LDB2: variants seen among roughly 807,000 people sequenced by gnomAD.
LDB2 encodes the protein LIM domain binding 2.
Under a neutral mutation model 44.3 loss-of-function variants are expected in LDB2, and 12 were observed. The observed-to-expected ratio is 0.27, with a 90% CI of 0.17 to 0.44. The LOEUF (loss-of-function observed/expected upper bound fraction) is 0.44, where lower values mean the gene tolerates loss of function less well. Ranked by LOEUF, LDB2 falls within the 20% of genes least tolerant of loss-of-function variation. The pLI, the probability that LDB2 is intolerant of heterozygous loss-of-function variation, is 1.00. For synonymous variants in LDB2, 164 were observed against 174.8 expected (o/e 0.94, Z 0.49); for missense variants, 344 against 473.5 (o/e 0.73, Z 2.54).
At chr4:16,682,192 T>C (rs760571423) in intron 2 of LDB2, among the ~76,000 whole-genome samples, 3 of 152,194 alleles carry the variant, frequency 2.0e-5, no homozygotes, top group Non-Finnish European at 2.9e-5. Flanking sequence ...TGTAATAATT[T>C]TAATCTGTCA....
intron 2 of LDB2, among the ~76,000 whole-genome samples, chr4:16,634,872 C>A (rs1210970103): frequency 6.6e-6 from 1 of 152,104 alleles, no homozygotes; most frequent in Non-Finnish European, 1.5e-5. Flanking sequence ...TTCACAATAG[C>A]AAAGACTTGG....
Position 16,830,200 on chromosome 4 carries a change from A to G in LDB2, c.132+68154T>C, listed in dbSNP as rs542022396. Among the ~76,000 whole-genome samples, 3 of 152,242 alleles carry G rather than the reference A, an allele frequency of 2.0e-5. No individual in the cohort carries two copies. In the South Asian group the frequency reaches 6.2e-4, roughly 32 times the overall value. Reference sequence around the variant, plus strand: ...TCTCCCCATCCAAACCTCATCTCCAATTGTAATCCCCAGGTGTTGAGGGAG... The same window carrying G: ...TCTCCCCATCCAAACCTCATCTCCAGTTGTAATCCCCAGGTGTTGAGGGAG... On this transcript the variant is annotated intron_variant, in intron 1 of 7. Coordinates refer to ENST00000304523, the MANE Select transcript of LDB2 (RefSeq NM_001290.5).
At chr4:16,521,166 T>C (rs1725931899) in intron 5 of LDB2, among the ~76,000 whole-genome samples, 1 of 152,150 alleles carries the variant, frequency 6.6e-6, no homozygotes, top group Non-Finnish European at 1.5e-5. Flanking sequence ...TACCACAGAC[T>C]GGGTGGCTTA....
intron 2 of LDB2, among the ~76,000 whole-genome samples, chr4:16,600,236 G>T (rs1285366471): frequency 6.6e-6 from 1 of 152,026 alleles, no homozygotes; most frequent in East Asian, 1.9e-4. Context: ...ATATGTCAAA[G>T]TTACACTTTA....
At chr4:16,626,111 G>A (rs1408418956) in intron 2 of LDB2, among the ~76,000 whole-genome samples, 1 of 152,198 alleles carries the variant, frequency 6.6e-6, no homozygotes, top group Non-Finnish European at 1.5e-5. Flanking sequence ...AACCCTATGA[G>A]GTTGGCAGTC....
intron 7 of LDB2, among the ~76,000 whole-genome samples, chr4:16,503,336 A>G (rs1391968143): frequency 2.0e-5 from 3 of 152,126 alleles, no homozygotes; most frequent in East Asian, 3.9e-4. Flanking sequence ...CAATTCTGCA[A>G]TATTCACACA....
chr4:16,690,483 G>A (rs55984313), intron 2 of LDB2, among the ~76,000 whole-genome samples: 2,785 of 9,934 alleles, frequency 0.28, 184 homozygotes, highest in Non-Finnish European at 0.34. Context: ...GGAAGGAAGG[G>A]AGGGAGGGAG....
At chr4:16,626,836 C>T (rs1218852046) in intron 2 of LDB2, 7 of 152,182 alleles carry the variant, frequency 4.6e-5, no homozygotes, top group Middle Eastern at 3.4e-3. Flanking sequence ...ATATGAGCCT[C>T]GGCAGCAAGC....
chr4:16,553,567 T>A (rs927605835), intron 5 of LDB2, among the ~76,000 whole-genome samples: 1 of 152,128 alleles, frequency 6.6e-6, no homozygotes, highest in Non-Finnish European at 1.5e-5. Context: ...TTGTTTTCTG[T>A]TTTTGTACCT....
intron 6 of LDB2, 89 bp from the exon 7 acceptor site, chr4:16,508,775 G>A: frequency 7.8e-7 from 1 of 1,289,494 alleles, no homozygotes; most frequent in East Asian, 2.5e-5. Context: ...AAGCTGTCTT[G>A]GTAAACTGAA....
intron 2 of LDB2, among the ~76,000 whole-genome samples, chr4:16,684,925 T>C (rs1361291000): frequency 6.6e-6 from 1 of 152,168 alleles, no homozygotes; most frequent in Non-Finnish European, 1.5e-5. Flanking sequence ...GAAATGTAAA[T>C]AAATGGGCAT....
chr4:16,880,817 T>C (rs1023701854), intron 1 of LDB2, among the ~76,000 whole-genome samples: 3 of 147,720 alleles, frequency 2.0e-5, no homozygotes, highest in Non-Finnish European at 4.4e-5. Flanking sequence ...GGCAGGAGAA[T>C]AGTGTGAACC....
chr4:16,607,250 C>A (rs556474620), intron 2 of LDB2, among the ~76,000 whole-genome samples: 8 of 152,324 alleles, frequency 5.3e-5, no homozygotes, highest in African/African-American at 1.9e-4. Context: ...TGCTGCCATG[C>A]ACTTGCATTC....
intron 7 of LDB2, among the ~76,000 whole-genome samples, chr4:16,505,373 GTGTA>G (rs1718968506): frequency 6.6e-6 from 1 of 152,104 alleles, no homozygotes; most frequent in Non-Finnish European, 1.5e-5. Flanking sequence ...GTGTGTGTGT[GTGTA>G]TGTGTTTGTG....
Position 16,558,126 on chromosome 4 carries a change from C to T in LDB2, c.615+27796G>A, listed in dbSNP as rs528878201. 5.9e-5 allele frequency among the ~76,000 whole-genome samples: 9 copies of T among 152,200 alleles called. No individual in the cohort carries two copies. The East Asian group carries it at 1.5e-3, about 26-fold the overall frequency. On this transcript the variant is annotated intron_variant, in intron 5 of 7. Coordinates refer to ENST00000304523, the MANE Select transcript of LDB2 (RefSeq NM_001290.5). ...CCACAAAGATGGGGAAAAAACAGAG[C>T]AGAAAAACTGGAAACTCTAAAAAGC...
chr4:16,879,295 T>A (rs1177677039), intron 1 of LDB2, among the ~76,000 whole-genome samples: 1 of 152,134 alleles, frequency 6.6e-6, no homozygotes, highest in Non-Finnish European at 1.5e-5. Context: ...CAGGAGAGGA[T>A]GTGATGGTTA....
intron 2 of LDB2, among the ~76,000 whole-genome samples, chr4:16,731,585 G>C (rs1006174970): frequency 6.6e-6 from 1 of 152,166 alleles, no homozygotes; most frequent in African/African-American, 2.4e-5. Context: ...AAGTCAGAAA[G>C]AGAGCCCTCA....
rs747097456 is a variant in LDB2 at position 16,655,896 on chromosome 4, C to CTTT, written c.236-60024_236-60022dup. On this transcript the variant is annotated intron_variant, in intron 2 of 7. Coordinates refer to ENST00000304523, the MANE Select transcript of LDB2 (RefSeq NM_001290.5). The stretch of plus-strand genomic sequence containing the variant: ...AAACGTTGGTTGTTCTGCAAGAAAA[C>CTTT]TTTTTTTTTTTTTTTTTTTTTGAGA... Among the ~76,000 whole-genome samples the CTTT allele has an allele frequency of 3.9e-3, 361 of 93,280 alleles. 46 individuals carry two copies. Among genetic ancestry groups the CTTT allele is most frequent in the African/African-American group, 0.013 (297 of 22,756 alleles). 61.2% of individuals were successfully genotyped at this position (93,280 alleles called of 152,430 possible). A position where few individuals can be genotyped will look rare whatever the true frequency, so the allele number is the denominator to read the frequency against.
At chr4:16,544,473 T>C (rs1468648870) in intron 5 of LDB2, among the ~76,000 whole-genome samples, 6 of 152,154 alleles carry the variant, frequency 3.9e-5, no homozygotes, top group Admixed American at 3.3e-4. Context: ...TGCTAGAACA[T>C]TATTCCATTT....
Sources: allele counts gnomAD v4.1 joint callset (sites outside exome capture counted in the v4.1 genomes callset), GRCh38; gene constraint gnomAD v4.1.1; transcripts MANE v1.5; gene names NCBI Gene and HGNC (gene_info 2026-07-23, HGNC 2026-07-21).